The following TRAK1 variants were observed in gnomAD, a reference collection of about 807,000 sequenced individuals.
TRAK1 encodes trafficking kinesin protein 1.
A neutral mutation model predicts 92.1 loss-of-function variants in TRAK1; 33 were observed. The observed-to-expected ratio is 0.36, with a 90% confidence interval of 0.27 to 0.48. The LOEUF (loss-of-function observed/expected upper bound fraction) is 0.48. TRAK1 is among the 20% of genes least tolerant of loss of function. TRAK1 has a pLI of 0.99. For missense variants in TRAK1, 1,123 were observed against 1,257.9 expected (o/e 0.89, Z 1.62); for synonymous variants, 521 against 517.3 (o/e 1.01, Z -0.10).
At chr3:42,187,291 C>G (rs538422515) in intron 4 of TRAK1, among the ~76,000 whole-genome samples, 1 of 152,286 alleles carries the variant, frequency 6.6e-6, no homozygotes, top group South Asian at 2.1e-4. Flanking sequence ...GCCTGTATTG[C>G]CCGTGCAGAG....
At chr3:42,121,728 C>T (rs1709905588) in intron 1 of TRAK1, among the ~76,000 whole-genome samples, 1 of 152,224 alleles carries the variant, frequency 6.6e-6, no homozygotes, top group African/African-American at 2.4e-5. Flanking sequence ...ATAATCCTAT[C>T]CCATGTCCTA....
chr3:42,152,344 G>A (rs183696832), intron 2 of TRAK1, among the ~76,000 whole-genome samples: 1 of 152,290 alleles, frequency 6.6e-6, no homozygotes, highest in East Asian at 1.9e-4. Context: ...ATGCAAAATA[G>A]CAATGGCCTT....
At chr3:42,103,579 G>A (rs972885677) in intron 1 of TRAK1, among the ~76,000 whole-genome samples, 1 of 152,108 alleles carries the variant, frequency 6.6e-6, no homozygotes, top group African/African-American at 2.4e-5. Context: ...GTTCTTGAGT[G>A]GTCATCGATG....
intron 2 of TRAK1, among the ~76,000 whole-genome samples, chr3:42,139,608 T>G (rs1559821756): frequency 6.6e-6 from 1 of 151,618 alleles, no homozygotes; most frequent in Admixed American, 6.6e-5. Flanking sequence ...GTCCCTGGGC[T>G]TACTTACTTT....
chr3:42,193,968 C>G (rs748370372), intron 9 of TRAK1, 70 bp downstream of exon 9: 5 of 1,391,662 alleles, frequency 3.6e-6, no homozygotes, highest in Non-Finnish European at 4.0e-6. Context: ...TCCCGGACAG[C>G]TTTAGTCACG....
At chr3:42,037,064 G>A (rs1474021008) in intron 1 of TRAK1, among the ~76,000 whole-genome samples, 1 of 152,010 alleles carries the variant, frequency 6.6e-6, no homozygotes, top group Non-Finnish European at 1.5e-5. Flanking sequence ...TTAGGCTCCA[G>A]CTATCTTCCC....
chr3:42,175,550 T>C (rs1373925022), intron 2 of TRAK1, among the ~76,000 whole-genome samples: 1 of 152,210 alleles, frequency 6.6e-6, no homozygotes, highest in Non-Finnish European at 1.5e-5. Flanking sequence ...CTGCTGGCTC[T>C]GGTGGCACTG....
intron 1 of TRAK1, among the ~76,000 whole-genome samples, chr3:42,037,723 AGT>A (rs1008766791): frequency 1.4e-4 from 21 of 152,330 alleles, no homozygotes; most frequent in African/African-American, 4.8e-4. Context: ...GTGTCTGGAG[AGT>A]GTGTGCTAGA....
chr3:42,170,361 A>C (rs1702391166), intron 2 of TRAK1, among the ~76,000 whole-genome samples: 1 of 152,104 alleles, frequency 6.6e-6, no homozygotes, highest in Non-Finnish European at 1.5e-5. Context: ...CAGGTTCTGA[A>C]CCTCTGTCCC....
intron 2 of TRAK1, among the ~76,000 whole-genome samples, chr3:42,133,451 C>G (rs1339496321): frequency 2.0e-5 from 3 of 152,184 alleles, no homozygotes; most frequent in Non-Finnish European, 4.4e-5. Flanking sequence ...AACTCCTGGG[C>G]TCCAGCAGTC....
intron 1 of TRAK1, among the ~76,000 whole-genome samples, chr3:42,041,060 T>C (rs922415257): frequency 2.2e-4 from 33 of 151,884 alleles, no homozygotes; most frequent in African/African-American, 8.0e-4. Context: ...TGTTTTTTTT[T>C]TCCCCAAGAT....
chr3:42,108,492 TA>T (rs10578367), intron 1 of TRAK1, among the ~76,000 whole-genome samples: 36,531 of 120,154 alleles, frequency 0.3, 5,271 homozygotes, highest in East Asian at 0.48. Flanking sequence ...ACCCTGCCTT[TA>T]AAAAAAAAAA....
At chr3:42,164,343 A>G (rs151207768) in intron 2 of TRAK1, among the ~76,000 whole-genome samples, 35 of 152,362 alleles carry the variant, frequency 2.3e-4, no homozygotes, top group Non-Finnish European at 3.7e-4. Context: ...GATACAGGAT[A>G]CATTTGTTGT....
chr3:42,094,263 G>T (rs933521210), intron 1 of TRAK1, among the ~76,000 whole-genome samples: 3 of 152,180 alleles, frequency 2.0e-5, no homozygotes, highest in African/African-American at 7.2e-5. Flanking sequence ...GGGACTCATG[G>T]CCCCAGGGGG....
At chr3:42,138,684 C>G (rs905272173) in intron 2 of TRAK1, among the ~76,000 whole-genome samples, 3 of 145,880 alleles carry the variant, frequency 2.1e-5, no homozygotes, top group Admixed American at 7.0e-5. Flanking sequence ...TCCAGGAGTT[C>G]GAGACCAGCC....
chr3:42,109,765 T>C (rs1272769930), intron 1 of TRAK1, among the ~76,000 whole-genome samples: 1 of 152,102 alleles, frequency 6.6e-6, no homozygotes, highest in Non-Finnish European at 1.5e-5. Flanking sequence ...TGCAATACTA[T>C]GCCACCATAG....
intron 1 of TRAK1, among the ~76,000 whole-genome samples, chr3:42,103,390 G>T (rs546229598): frequency 3.9e-5 from 6 of 152,026 alleles, no homozygotes; most frequent in African/African-American, 1.4e-4. Flanking sequence ...GGCCAGGCTG[G>T]TCTCAAACTG....
intron 12 of TRAK1, 43 bp downstream of exon 12, chr3:42,201,097 G>C: frequency 6.3e-7 from 1 of 1,587,876 alleles, no homozygotes; most frequent in Non-Finnish European, 8.6e-7. Context: ...TTGGGGTGAG[G>C]AGTGGTAGTA....
At chr3:42,146,699 C>T (rs181786357) in intron 2 of TRAK1, among the ~76,000 whole-genome samples, 11 of 152,284 alleles carry the variant, frequency 7.2e-5, no homozygotes, top group Non-Finnish European at 1.6e-4. Flanking sequence ...GGTCTACAGG[C>T]ATGTGCTACC....
Sources: gnomAD v4.1 joint callset for allele counts (sites outside exome capture counted in the v4.1 genomes callset) on GRCh38, gnomAD v4.1.1 for gene constraint, MANE v1.5 for transcripts, NCBI Gene and HGNC (gene_info 2026-07-23, HGNC 2026-07-21) for gene names.